Variants in CTNNA1 observed in about 807,000 individuals in gnomAD.
The protein encoded by CTNNA1 is catenin alpha-1.
CTNNA1 carries 37 observed loss-of-function variants against 98.4 expected under a neutral mutation model. That is an observed-to-expected ratio of 0.38 (90% CI 0.29 to 0.49). CTNNA1 has a LOEUF of 0.49. Ranked by LOEUF, CTNNA1 falls within the 20% of genes least tolerant of loss-of-function variation. CTNNA1 has a pLI of 0.95. For synonymous variants in CTNNA1, 404 were observed against 413.2 expected (o/e 0.98, Z 0.27); for missense variants, 761 against 1,147.2 (o/e 0.66, Z 4.86).
chr5:138,842,226 G>A (rs1363626673), intron 7 of CTNNA1, among the ~76,000 whole-genome samples: 2 of 152,150 alleles, frequency 1.3e-5, no homozygotes, highest in African/African-American at 2.4e-5. Flanking sequence ...CCTGAGCCCG[G>A]GAAGTTGAGG....
intron 1 of CTNNA1, among the ~76,000 whole-genome samples, chr5:138,778,794 G>A (rs1026920525): frequency 6.6e-6 from 1 of 152,198 alleles, no homozygotes; most frequent in Non-Finnish European, 1.5e-5. Context: ...ATTAGTCAAT[G>A]GATCATACTT....
intron 7 of CTNNA1, among the ~76,000 whole-genome samples, chr5:138,857,586 G>A (rs1193356241): frequency 2.6e-5 from 4 of 152,106 alleles, no homozygotes; most frequent in African/African-American, 9.7e-5. Context: ...CAAAGTACTG[G>A]CATTACAGAT....
At chr5:138,811,278 G>A (rs1167170821) in intron 4 of CTNNA1, among the ~76,000 whole-genome samples, 251 of 143,292 alleles carry the variant, frequency 1.8e-3, no homozygotes, top group African/African-American at 6.2e-3. Context: ...CATCCCAGAC[G>A]GGGCGGCGGG....
At chr5:138,895,557 T>C (rs993883212) in intron 9 of CTNNA1, among the ~76,000 whole-genome samples, 9 of 151,992 alleles carry the variant, frequency 5.9e-5, no homozygotes, top group Admixed American at 5.9e-4. Context: ...TGTAGCAAAC[T>C]TCCTGTATTT....
intron 7 of CTNNA1, chr5:138,875,861 G>A (rs1432412214): frequency 8.0e-6 from 3 of 376,564 alleles, no homozygotes; most frequent in African/African-American, 6.6e-5. Flanking sequence ...AGTGGGCTTG[G>A]CTTGTTTGTC....
chr5:138,782,516 C>A, intron 2 of CTNNA1: 1 of 261,312 alleles, frequency 3.8e-6, no homozygotes. Context: ...AATAGTATGT[C>A]TATTGTTTGT....
chr5:138,904,322 T>C (rs1758696201), intron 9 of CTNNA1, 27 bp from the exon 10 acceptor site: 1 of 1,601,406 alleles, frequency 6.2e-7, no homozygotes, highest in Admixed American at 1.7e-5. Flanking sequence ...GAGAAAAATC[T>C]TTAAAGATTA....
chr5:138,831,965 A>G (rs1185880575), intron 7 of CTNNA1, among the ~76,000 whole-genome samples: 1 of 152,200 alleles, frequency 6.6e-6, no homozygotes, highest in Non-Finnish European at 1.5e-5. Flanking sequence ...TGGGCCTTAC[A>G]TTCTACAGTG....
intron 6 of CTNNA1, among the ~76,000 whole-genome samples, chr5:138,825,456 G>T (rs1581170574): frequency 7.2e-6 from 1 of 138,860 alleles, no homozygotes. Context: ...GTGCCTCTTG[G>T]CTTCCAGTAG....
rs182814777 is a variant in CTNNA1 at position 138,759,839 on chromosome 5, G to A, written c.-3+6329G>A. Among the ~76,000 whole-genome samples the A allele has an allele frequency of 2.6e-5, 4 of 152,134 alleles. No individual in the cohort carries two copies. The South Asian group carries it at 8.3e-4, about 32-fold the overall frequency. On this transcript the variant is annotated intron_variant, in intron 1 of 17. Transcript: ENST00000302763. ...AATTTACTGTCCCAGTCTTTCCTTG[G>A]AAGTTGCAAGCTTTCTTCAACAGTC...
intron 7 of CTNNA1, chr5:138,880,714 G>C (rs966788636): frequency 1.9e-4 from 42 of 223,290 alleles, no homozygotes; most frequent in African/African-American, 9.1e-4. Flanking sequence ...AAAGCTGTTT[G>C]CACAGGATAG....
In CTNNA1 at chr5:138,925,395, G is replaced by A. The variant is rs1394524803; in HGVS notation, c.1887G>A (p.Val629=). ...GCATCCGGGACATCAGGAAAGCAGTGCTGATGATAAGGGTGAGTAACTGCA... is the reference window on the plus strand; with the variant it reads ...GCATCCGGGACATCAGGAAAGCAGTACTGATGATAAGGGTGAGTAACTGCA... The part of the protein sequence containing the change: ...YDGIRDIRKA[V]LMIRTPEELD... Residue 629 remains valine (V), a synonymous_variant, in exon 13 of 18, where the codon GTG becomes GTA. Coordinates refer to ENST00000302763, the MANE Select transcript of CTNNA1 (RefSeq NM_001903.5). 2 of 1,613,994 alleles carry A rather than the reference G, an allele frequency of 1.2e-6. No individual in the cohort carries two copies. The highest frequency in any genetic ancestry group is 1.1e-5 in the South Asian group (1 of 91,080).
At chr5:138,876,014 C>T (rs867343885) in intron 7 of CTNNA1, among the ~76,000 whole-genome samples, 6 of 152,056 alleles carry the variant, frequency 3.9e-5, no homozygotes, top group Admixed American at 1.3e-4. Flanking sequence ...AATGTTTTGT[C>T]GCCATACTGA....
intron 3 of CTNNA1, among the ~76,000 whole-genome samples, chr5:138,797,834 C>T (rs1757129966): frequency 6.6e-6 from 1 of 151,466 alleles, no homozygotes; most frequent in Non-Finnish European, 1.5e-5. Flanking sequence ...CCCAGCTTGA[C>T]TTGAGAACTT....
chr5:138,886,135 G>A, intron 7 of CTNNA1, 77 bp from the exon 8 acceptor site: 1 of 1,500,238 alleles, frequency 6.7e-7, no homozygotes, highest in Non-Finnish European at 9.0e-7. Flanking sequence ...GTGTTGACAT[G>A]AGCACAAATG....
intron 4 of CTNNA1, among the ~76,000 whole-genome samples, chr5:138,811,518 C>T (rs1247231942): frequency 2.0e-5 from 3 of 149,118 alleles, no homozygotes; most frequent in Non-Finnish European, 4.5e-5. Flanking sequence ...GACAGGGTGG[C>T]GGCCGGGCAG....
At chr5:138,882,891 C>T (rs941339321) in intron 7 of CTNNA1, among the ~76,000 whole-genome samples, 3 of 152,220 alleles carry the variant, frequency 2.0e-5, no homozygotes, top group Admixed American at 6.5e-5. Flanking sequence ...TGCAATGGCA[C>T]AATCTCGGTT....
intron 5 of CTNNA1, among the ~76,000 whole-genome samples, chr5:138,812,592 G>A (rs1758946053): frequency 6.6e-6 from 1 of 152,122 alleles, no homozygotes. Context: ...GTGTATTTAA[G>A]GATTAACCTG....
chr5:138,773,115 A>T (rs1753727954), intron 1 of CTNNA1, among the ~76,000 whole-genome samples: 1 of 152,190 alleles, frequency 6.6e-6, no homozygotes, highest in East Asian at 1.9e-4. Context: ...TATTTTTTGA[A>T]ATCCTTTTAG....
Sources: allele counts gnomAD v4.1 joint callset (sites outside exome capture counted in the v4.1 genomes callset), GRCh38; gene constraint gnomAD v4.1.1; transcripts MANE v1.5; gene names NCBI Gene and HGNC (gene_info 2026-07-23, HGNC 2026-07-21).